The following CPOX variants were observed in gnomAD, a reference collection of about 807,000 sequenced individuals.
CPOX encodes coproporphyrinogen oxidase, also known as oxygen-dependent coproporphyrinogen-III oxidase, mitochondrial.
In CPOX, 24 loss-of-function variants were observed where a neutral mutation model predicts 48.9. The ratio of observed to expected loss-of-function variants is 0.49; its 90% CI spans 0.36 to 0.69. The LOEUF is 0.69. Among genes scored for constraint, CPOX ranks in the 30% least tolerant of loss-of-function variants. The pLI is 0.00. For missense variants in CPOX, 549 were observed against 597.3 expected (o/e 0.92, Z 0.84); for synonymous variants, 249 against 234.6 (o/e 1.06, Z -0.56).
downstream of CPOX, among the ~76,000 whole-genome samples, chr3:98,576,072 C>CAAAAAAAAAAAAA (rs56988806): frequency 1.4e-5 from 1 of 71,402 alleles, no homozygotes; most frequent in African/African-American, 5.1e-5. Context: ...AACTCTGCCT[C>CAAAAAAAAAAAAA]AAAAAAAAAA....
downstream of CPOX, among the ~76,000 whole-genome samples, chr3:98,576,027 G>T (rs1426419265): frequency 8.1e-6 from 1 of 123,086 alleles, no homozygotes; most frequent in Non-Finnish European, 1.6e-5. Flanking sequence ...AGCCAGGATC[G>T]CACCATTGCA....
chr3:98,575,904 CTAAA>C (rs771275305), downstream of CPOX, among the ~76,000 whole-genome samples: 1 of 150,792 alleles, frequency 6.6e-6, no homozygotes, highest in South Asian at 2.1e-4. Flanking sequence ...CTTGTCTCTA[CTAAA>C]TAAATACAAA....
At chr3:98,587,944 T>C (rs1291020823) in intron 4 of CPOX, among the ~76,000 whole-genome samples, 1 of 152,176 alleles carries the variant, frequency 6.6e-6, no homozygotes, top group African/African-American at 2.4e-5. Context: ...TCTGCATGCA[T>C]CCATGGCTGT....
At chr3:98,590,871 T>A in intron 2 of CPOX, 129 bp from the exon 3 acceptor site, 1 of 1,257,590 alleles carries the variant, frequency 8.0e-7, no homozygotes, top group Admixed American at 2.0e-5. Context: ...AAAAACATAA[T>A]TTTAAAAAAG....
At position 98,591,190 on chromosome 3, in the gene CPOX, A is replaced by G. The variant is rs1328666935; in HGVS notation, c.557-35T>C. The G allele has an allele frequency of 1.9e-6, 3 of 1,613,414 alleles. No individual in the cohort carries two copies. In the African/African-American group the frequency reaches 4.0e-5, roughly 22 times the overall value. ...GAAATGTAAAAAAGGAGAGAATGTA[A>G]GAGTATGTGCAAAACTGAAAGCAAC... On this transcript the variant is annotated intron_variant, in intron 1 of 6. Coordinates refer to ENST00000647941, the MANE Select transcript of CPOX (RefSeq NM_000097.7).
chr3:98,593,591 G>A lies in CPOX; in HGVS notation c.-87C>T, dbSNP rs908936882. ...CCCAGACCCCCGGAGTATTGAGCCG[G>A]CGAGCTGCACAGGCGGAAAGAACCT... On this transcript the variant is annotated 5_prime_UTR_variant, in exon 1 of 7. Coordinates refer to ENST00000647941, the MANE Select transcript of CPOX (RefSeq NM_000097.7). 61 of 1,364,204 alleles carry A rather than the reference G, an allele frequency of 4.5e-5. 2 individuals carry two copies. The South Asian group carries it at 4.8e-4, about 11-fold the overall frequency. 84.5% of individuals were successfully genotyped at this position (1,364,204 alleles called of 1,614,324 possible). A position where few individuals can be genotyped will look rare whatever the true frequency, so the allele number is the denominator to read the frequency against.
downstream of CPOX, among the ~76,000 whole-genome samples, chr3:98,576,786 G>A (rs1707167331): frequency 6.6e-6 from 1 of 152,120 alleles, no homozygotes; most frequent in Non-Finnish European, 1.5e-5. Flanking sequence ...TGTTTTCACA[G>A]ACTAGGAATA....
the CPOX span, among the ~76,000 whole-genome samples, chr3:98,573,408 AAG>A: frequency 6.6e-6 from 1 of 152,148 alleles, no homozygotes; most frequent in Non-Finnish European, 1.5e-5. Context: ...ATAGTTCAAC[AAG>A]AGTCAGATTT....
intron 5 of CPOX, among the ~76,000 whole-genome samples, chr3:98,584,672 G>A (rs972885533): frequency 6.6e-6 from 1 of 152,212 alleles, no homozygotes; most frequent in African/African-American, 2.4e-5. Context: ...AGGTGGCAAT[G>A]AGAAACTGAT....
downstream of CPOX, among the ~76,000 whole-genome samples, chr3:98,577,686 G>C (rs1323775959): frequency 6.6e-6 from 1 of 152,198 alleles, no homozygotes; most frequent in Non-Finnish European, 1.5e-5. Context: ...CATAACCTCA[G>C]TGGTTAGAAC....
At chr3:98,574,990 G>A (rs1707138178), downstream of CPOX, among the ~76,000 whole-genome samples, 1 of 152,188 alleles carries the variant, frequency 6.6e-6, no homozygotes, top group African/African-American at 2.4e-5. Context: ...TTATACTAAT[G>A]GTTAGAAGAA....
chr3:98,586,187 T>C (rs1707360835), intron 4 of CPOX, among the ~76,000 whole-genome samples: 1 of 152,190 alleles, frequency 6.6e-6, no homozygotes, highest in African/African-American at 2.4e-5. Flanking sequence ...TCCTCTTATT[T>C]TCAAGGCGAA....
chr3:98,591,263 A>G, intron 1 of CPOX, 108 bp from the exon 2 acceptor site: 1 of 1,169,486 alleles, frequency 8.6e-7, no homozygotes, highest in Non-Finnish European at 1.3e-6. Flanking sequence ...CTTTTATATC[A>G]GTGTATTTAT....
intron 5 of CPOX, among the ~76,000 whole-genome samples, chr3:98,582,360 C>A (rs144869589): frequency 6.6e-6 from 1 of 152,202 alleles, no homozygotes; most frequent in African/African-American, 2.4e-5. Flanking sequence ...CCTTTCAGAT[C>A]ATTTCTTATC....
chr3:98,574,359 A>G, the CPOX span, among the ~76,000 whole-genome samples: 1 of 152,158 alleles, frequency 6.6e-6, no homozygotes, highest in African/African-American at 2.4e-5. Context: ...TCAGCTGAAG[A>G]CTGCCTCTTG....
chr3:98,586,235 ACT>A (rs1707361524), intron 4 of CPOX, among the ~76,000 whole-genome samples: 2 of 152,048 alleles, frequency 1.3e-5, no homozygotes, highest in African/African-American at 4.8e-5. Context: ...AGGATGTGAA[ACT>A]CTAAGAACTT....
intron 2 of CPOX, 67 bp downstream of exon 2, chr3:98,590,945 A>G: frequency 6.4e-7 from 1 of 1,572,828 alleles, no homozygotes; most frequent in Non-Finnish European, 8.7e-7. Flanking sequence ...TTATTTTATA[A>G]ATAAAACTTG....
In CPOX at chr3:98,580,306, G is replaced by T. The variant is rs193089059; in HGVS notation, c.*377C>A. 8.2e-5 allele frequency: 83 copies of T among 1,010,690 alleles called. No individual in the cohort carries two copies. In the African/African-American group the frequency reaches 1.3e-3, roughly 16 times the overall value. 62.6% of individuals were successfully genotyped at this position (1,010,690 alleles called of 1,614,324 possible). A position where few individuals can be genotyped will look rare whatever the true frequency, so the allele number is the denominator to read the frequency against. On this transcript the variant is annotated 3_prime_UTR_variant, in exon 7 of 7. Coordinates refer to ENST00000647941, the MANE Select transcript of CPOX (RefSeq NM_000097.7). ...TGAAAATAAAATATATTCCACGACA[G>T]ATTTTTGTGGCACAAATGAAAACTT...
At chr3:98,584,576 C>T (rs954078285) in intron 5 of CPOX, among the ~76,000 whole-genome samples, 27 of 152,320 alleles carry the variant, frequency 1.8e-4, no homozygotes, top group Admixed American at 1.4e-3. Flanking sequence ...CTCTTTAGTA[C>T]CCAAAGCTTC....
Sources: gnomAD v4.1 joint callset for allele counts (sites outside exome capture counted in the v4.1 genomes callset) on GRCh38, gnomAD v4.1.1 for gene constraint, MANE v1.5 for transcripts, NCBI Gene and HGNC (gene_info 2026-07-23, HGNC 2026-07-21) for gene names.